CCSER1: variants seen among roughly 807,000 people sequenced by gnomAD.
CCSER1 encodes coiled-coil serine rich protein 1.
CCSER1 carries 41 observed loss-of-function variants against 82.0 expected under a neutral mutation model. The ratio of observed to expected loss-of-function variants is 0.50; its 90% CI spans 0.39 to 0.65. The LOEUF is 0.65. Ranked by LOEUF, CCSER1 falls within the 30% of genes least tolerant of loss-of-function variation. The pLI is 0.00. For missense variants in CCSER1, 1,119 were observed against 1,064.2 expected, an observed-to-expected ratio of 1.05 and a Z score of -0.72; for synonymous variants, 414 against 383.9, an observed-to-expected ratio of 1.08 and a Z score of -0.92.
chr4:90,674,227 T>A (rs1024840516), intron 6 of CCSER1, among the ~76,000 whole-genome samples: 8 of 152,022 alleles, frequency 5.3e-5, no homozygotes, highest in Non-Finnish European at 1.2e-4. Context: ...CTTCATATTT[T>A]AAATTTTTCT....
In CCSER1 at chr4:90,535,723, C is replaced by CT. The variant is rs958579243; in HGVS notation, c.1724+67378dup. Among the ~76,000 whole-genome samples the CT allele has an allele frequency of 1.3e-4, 19 of 151,434 alleles. No individual in the cohort carries two copies. The East Asian group carries it at 3.3e-3, about 26-fold the overall frequency. On this transcript the variant is annotated intron_variant, in intron 5 of 10. Coordinates refer to ENST00000509176, the MANE Select transcript of CCSER1 (RefSeq NM_001145065.2). ...AGTAGTTCAATAAATATCACTGAAA[C>CT]TTTTTTTTTCTTTGTATGTGAAGAG...
intron 5 of CCSER1, among the ~76,000 whole-genome samples, chr4:90,566,603 CTTT>C (rs71596531): frequency 2.9e-5 from 4 of 136,766 alleles, no homozygotes; most frequent in African/African-American, 2.7e-5. Flanking sequence ...TCACAATTAC[CTTT>C]TTTTTTTTTT....
intron 9 of CCSER1, among the ~76,000 whole-genome samples, chr4:91,059,455 TTA>T (rs56706370): frequency 0.28 from 40,838 of 145,708 alleles, 5,844 homozygotes; most frequent in Non-Finnish European, 0.3. Flanking sequence ...TTTATTAAGG[TTA>T]TATATATATA....
rs148194466 is a variant in CCSER1 at position 90,950,523 on chromosome 4, C to T, written c.2172+27076C>T. ...ATACACATACACACACACGTGCACG[C>T]GTGCACACACACACATACACACACG... is the stretch of plus-strand genomic sequence containing the variant. On this transcript the variant is annotated intron_variant, in intron 9 of 10. Coordinates refer to ENST00000509176, the MANE Select transcript of CCSER1 (RefSeq NM_001145065.2). 6.2e-3 allele frequency among the ~76,000 whole-genome samples: 936 copies of T among 150,074 alleles called. 2 individuals are homozygous for T. Among genetic ancestry groups the T allele is most frequent in the African/African-American group, 0.022 (892 of 41,286 alleles).
chr4:90,465,043 A>G (rs1414467067), intron 4 of CCSER1, among the ~76,000 whole-genome samples: 1 of 151,746 alleles, frequency 6.6e-6, no homozygotes, highest in Non-Finnish European at 1.5e-5. Context: ...GGCTCACTGC[A>G]ACCTCCAACT....
chr4:91,516,202 CTTAAGT>C (rs1413786412), intron 10 of CCSER1, among the ~76,000 whole-genome samples: 1 of 152,054 alleles, frequency 6.6e-6, no homozygotes, highest in African/African-American at 2.4e-5. Context: ...TGCAGAAGCT[CTTAAGT>C]TTAATTAGAT....
chr4:91,127,786 T>C (rs1369475721), intron 10 of CCSER1, among the ~76,000 whole-genome samples: 2 of 152,082 alleles, frequency 1.3e-5, no homozygotes, highest in African/African-American at 4.8e-5. Flanking sequence ...GGCACATTTA[T>C]TTGGTTCAAT....
chr4:90,457,790 A>G (rs149109097), intron 4 of CCSER1, among the ~76,000 whole-genome samples: 281 of 152,244 alleles, frequency 1.8e-3, no homozygotes, highest in African/African-American at 6.7e-3. Flanking sequence ...GCTTCAGGCC[A>G]TCCCTAGCAT....
chr4:91,434,472 C>T (rs146839462), intron 10 of CCSER1, among the ~76,000 whole-genome samples: 23 of 151,722 alleles, frequency 1.5e-4, no homozygotes, highest in Non-Finnish European at 2.9e-4. Context: ...AAAAGCAATA[C>T]GGGTAAAAAA....
intron 10 of CCSER1, among the ~76,000 whole-genome samples, chr4:91,115,828 A>T (rs1726526447): frequency 8.5e-5 from 9 of 106,272 alleles, no homozygotes; most frequent in South Asian, 2.9e-4. Context: ...TTTTTTTTCA[A>T]ATTTCCATTC....
At chr4:90,841,002 C>G (rs1253843679) in intron 8 of CCSER1, among the ~76,000 whole-genome samples, 1 of 152,042 alleles carries the variant, frequency 6.6e-6, no homozygotes, top group African/African-American at 2.4e-5. Context: ...AACACCATGC[C>G]CTGACATGTC....
Position 90,157,064 on chromosome 4 carries a change from T to G in CCSER1, c.-42+29233T>G, listed in dbSNP as rs560691975. ...TCCTTCAGGAGCTCTTTTAGGGCAG[T>G]CCTGGTGGTGACAAAATCTCTCAGC... On this transcript the variant is annotated intron_variant, in intron 1 of 10. Transcript: ENST00000509176. 1.1e-4 allele frequency among the ~76,000 whole-genome samples: 17 copies of G among 152,302 alleles called. No individual in the cohort carries two copies. The East Asian group carries it at 1.2e-3, about 10-fold the overall frequency.
chr4:91,049,151 G>C (rs1414834111), intron 9 of CCSER1, among the ~76,000 whole-genome samples: 2 of 152,108 alleles, frequency 1.3e-5, no homozygotes, highest in Admixed American at 6.5e-5. Flanking sequence ...ACTTTTAAAT[G>C]AGAAGGCCAA....
At chr4:90,316,022 C>T (rs907400316) in intron 3 of CCSER1, among the ~76,000 whole-genome samples, 2 of 152,110 alleles carry the variant, frequency 1.3e-5, no homozygotes, top group Non-Finnish European at 2.9e-5. Flanking sequence ...AAGAATGTAT[C>T]CATGGTTCAG....
chr4:90,225,293 C>T (rs1742958640), intron 1 of CCSER1, among the ~76,000 whole-genome samples: 1 of 141,572 alleles, frequency 7.1e-6, no homozygotes, highest in African/African-American at 2.6e-5. Context: ...CCAGGCTGGT[C>T]TCAGACTCCT....
chr4:91,098,595 G>A (rs978042664), intron 10 of CCSER1, among the ~76,000 whole-genome samples: 5 of 151,480 alleles, frequency 3.3e-5, no homozygotes, highest in African/African-American at 7.3e-5. Flanking sequence ...AGGCTGGAGA[G>A]CAGTGGTGTG....
At chr4:91,181,178 G>A (rs991606385) in intron 10 of CCSER1, among the ~76,000 whole-genome samples, 18 of 152,172 alleles carry the variant, frequency 1.2e-4, no homozygotes, top group African/African-American at 4.3e-4. Flanking sequence ...CAGATTTTGG[G>A]GGGCCTGCTC....
At chr4:90,630,188 G>T (rs917592361) in intron 6 of CCSER1, among the ~76,000 whole-genome samples, 2 of 152,118 alleles carry the variant, frequency 1.3e-5, no homozygotes, top group Non-Finnish European at 2.9e-5. Flanking sequence ...AGATAAGTTT[G>T]AATTTCTTCC....
At chr4:90,354,225 T>C (rs953440540) in intron 3 of CCSER1, among the ~76,000 whole-genome samples, 3 of 152,240 alleles carry the variant, frequency 2.0e-5, no homozygotes, top group East Asian at 1.9e-4. Flanking sequence ...TCTCACTTAT[T>C]TGTGGAATAT....
Sources: allele counts gnomAD v4.1 joint callset (sites outside exome capture counted in the v4.1 genomes callset), GRCh38; gene constraint gnomAD v4.1.1; transcripts MANE v1.5; gene names NCBI Gene and HGNC (gene_info 2026-07-23, HGNC 2026-07-21).